The following FAM3C variants were observed in gnomAD, a reference collection of about 807,000 sequenced individuals.
The protein encoded by FAM3C is FAM3 metabolism regulating signaling molecule C.
A neutral mutation model predicts 32.5 loss-of-function variants in FAM3C; 15 were observed. The ratio of observed to expected loss-of-function variants is 0.46; its 90% CI spans 0.31 to 0.71. The LOEUF is 0.71. Ranked by LOEUF, FAM3C falls within the 30% of genes least tolerant of loss-of-function variation. The probability of loss-of-function intolerance (pLI) is 0.05; values close to 1 mark genes in which losing one functional copy is unlikely to be tolerated. For missense variants in FAM3C, 175 were observed against 274.4 expected, an observed-to-expected ratio of 0.64 and a Z score of 2.56; for synonymous variants, 75 against 86.1, an observed-to-expected ratio of 0.87 and a Z score of 0.72.
chr7:121,360,457 T>C (rs1371346527), intron 7 of FAM3C, among the ~76,000 whole-genome samples: 1 of 152,124 alleles, frequency 6.6e-6, no homozygotes, highest in Non-Finnish European at 1.5e-5. Context: ...ATTTGAATAA[T>C]TGGGATCCTG....
intron 5 of FAM3C, among the ~76,000 whole-genome samples, chr7:121,364,734 T>C (rs1793991629): frequency 6.6e-6 from 1 of 152,118 alleles, no homozygotes; most frequent in Admixed American, 6.5e-5. Flanking sequence ...ATCACTGCAT[T>C]GAATGACAGT....
intron 4 of FAM3C, 112 bp from the exon 5 acceptor site, chr7:121,371,535 A>G: frequency 2.7e-6 from 3 of 1,100,272 alleles, no homozygotes; most frequent in Non-Finnish European, 3.9e-6. Context: ...ATCAAGATAC[A>G]CGTATCTTAA....
At chr7:121,381,680 A>G (rs1794360513) in intron 2 of FAM3C, among the ~76,000 whole-genome samples, 1 of 151,928 alleles carries the variant, frequency 6.6e-6, no homozygotes. Flanking sequence ...ACACACACAC[A>G]CACACACACA....
At chr7:121,370,916 C>T (rs535181579) in intron 5 of FAM3C, among the ~76,000 whole-genome samples, 4 of 152,168 alleles carry the variant, frequency 2.6e-5, no homozygotes, top group Non-Finnish European at 5.9e-5. Flanking sequence ...ACCTGAACTG[C>T]GGTGACAGAT....
intron 1 of FAM3C, among the ~76,000 whole-genome samples, chr7:121,386,672 C>T (rs1250642968): frequency 7.1e-6 from 1 of 141,788 alleles, no homozygotes; most frequent in Admixed American, 7.1e-5. Context: ...TATATCTATA[C>T]ATACACACAC....
intron 5 of FAM3C, among the ~76,000 whole-genome samples, chr7:121,367,880 C>T (rs1286554267): frequency 1.3e-5 from 2 of 151,802 alleles, no homozygotes; most frequent in East Asian, 1.9e-4. Context: ...GTGGGAAGAT[C>T]GCTTGAGTCC....
chr7:121,360,124 A>G lies in FAM3C; in HGVS notation c.386T>C (p.Val129Ala). Residue 129 changes from valine (V) to alanine (A), a missense_variant, in exon 8 of 10, where the codon GTG becomes GCG. Coordinates refer to ENST00000359943, the MANE Select transcript of FAM3C (RefSeq NM_014888.3). ...TKYFDMWGGD[V>A]APFIEFLKAI... ...CTTCAGAAACTCAATAAATGGTGCC[A>G]CATCTGAAGAAAAAGAAAGGGTTTA... 4 of 1,572,884 alleles carry G rather than the reference A, an allele frequency of 2.5e-6. No homozygotes were observed. The highest frequency in any genetic ancestry group is 3.5e-6 in the Non-Finnish European group (4 of 1,142,998).
intron 7 of FAM3C, chr7:121,362,667 A>G: frequency 2.2e-6 from 1 of 459,598 alleles, no homozygotes; most frequent in Non-Finnish European, 3.8e-6. Context: ...CTCAATTTTG[A>G]TATTACTATC....
In FAM3C at chr7:121,371,335, G is replaced by T; in HGVS notation, c.237C>A (p.Asn79Lys). ...CCAGGCAGATTTTGGGTCCCACCAC[G>T]TTGGCTGCTCCACTTGCCATTTTAA... ...FAFKMASGAANVVGPKICLED... is the reference protein window; with the variant it reads ...FAFKMASGAAKVVGPKICLED... The change falls in exon 5 of 10, where the codon AAC becomes AAA. Residue 79 changes from asparagine (N) to lysine (K), a missense_variant. Coordinates refer to ENST00000359943, the MANE Select transcript of FAM3C (RefSeq NM_014888.3). 6.2e-7 allele frequency: 1 copy of T among 1,613,594 alleles called. No individual in the cohort carries two copies. The highest frequency in any genetic ancestry group is 8.5e-7 in the Non-Finnish European group (1 of 1,179,882).
chr7:121,374,810 CATCAGGAAAA>C (rs764806889), intron 3 of FAM3C, among the ~76,000 whole-genome samples: 3 of 152,174 alleles, frequency 2.0e-5, no homozygotes, highest in Admixed American at 1.3e-4. Context: ...AGGTTCTTAA[CATCAGGAAAA>C]ATCAAGAAAT....
intron 3 of FAM3C, among the ~76,000 whole-genome samples, chr7:121,377,206 C>T (rs1794255750): frequency 2.0e-5 from 3 of 152,134 alleles, no homozygotes. Context: ...CCAAGAATAA[C>T]ATGTTTGCTA....
chr7:121,352,095 A>C (rs1793718321), intron 8 of FAM3C, among the ~76,000 whole-genome samples: 1 of 152,230 alleles, frequency 6.6e-6, no homozygotes, highest in South Asian at 2.1e-4. Context: ...CGCAAAAGAC[A>C]GCTCTAACAG....
intron 1 of FAM3C, among the ~76,000 whole-genome samples, chr7:121,386,561 C>A (rs907929298): frequency 6.6e-6 from 1 of 150,838 alleles, no homozygotes; most frequent in Non-Finnish European, 1.5e-5. Flanking sequence ...TAAACATATA[C>A]ACACACACAC....
chr7:121,368,360 G>A (rs1794066404), intron 5 of FAM3C, among the ~76,000 whole-genome samples: 1 of 152,202 alleles, frequency 6.6e-6, no homozygotes, highest in Non-Finnish European at 1.5e-5. Context: ...AAGATTAGTA[G>A]TCTCCAAAGT....
intron 1 of FAM3C, among the ~76,000 whole-genome samples, chr7:121,390,853 C>G (rs4727923): frequency 0.062 from 453 of 7,352 alleles, 2 homozygotes; most frequent in African/African-American, 0.1. Flanking sequence ...CTGTGTGGGG[C>G]GGGGGGGGGG....
chr7:121,388,552 C>T (rs560715613), intron 1 of FAM3C, among the ~76,000 whole-genome samples: 3 of 152,002 alleles, frequency 2.0e-5, no homozygotes, highest in African/African-American at 4.8e-5. Context: ...CAAAAAGCAA[C>T]AGACCAAAAA....
chr7:121,365,409 T>C (rs989688907), intron 5 of FAM3C, among the ~76,000 whole-genome samples: 2 of 152,116 alleles, frequency 1.3e-5, no homozygotes, highest in African/African-American at 2.4e-5. Context: ...ATCCACCATA[T>C]AATAGATATA....
intron 5 of FAM3C, among the ~76,000 whole-genome samples, chr7:121,369,041 G>C (rs1794087577): frequency 6.8e-6 from 1 of 146,548 alleles, no homozygotes; most frequent in Non-Finnish European, 1.5e-5. Flanking sequence ...GTGCAGTGGT[G>C]CGATCTTGGC....
intron 2 of FAM3C, among the ~76,000 whole-genome samples, chr7:121,380,660 A>G (rs1003992473): frequency 1.3e-5 from 2 of 151,310 alleles, no homozygotes; most frequent in Non-Finnish European, 2.9e-5. Context: ...CACTCAATTT[A>G]TTTTACCTAG....
Sources: allele counts gnomAD v4.1 joint callset (sites outside exome capture counted in the v4.1 genomes callset), GRCh38; gene constraint gnomAD v4.1.1; transcripts MANE v1.5; gene names NCBI Gene and HGNC (gene_info 2026-07-23, HGNC 2026-07-21).